Variants in GRTP1 observed in about 807,000 individuals in gnomAD.
GRTP1 encodes the protein growth hormone regulated TBC protein 1.
In GRTP1, 56 loss-of-function variants were observed where a neutral mutation model predicts 38.1. The ratio of observed to expected loss-of-function variants is 1.47; its 90% CI spans 1.19 to 1.84. GRTP1 has a LOEUF of 1.84. Ranked by LOEUF, GRTP1 falls within the 40% of genes most tolerant of loss-of-function variation. GRTP1 has a pLI of 0.00. For synonymous variants in GRTP1, 217 were observed against 189.5 expected, an observed-to-expected ratio of 1.14 and a Z score of -1.19; for missense variants, 506 against 453.9, an observed-to-expected ratio of 1.11 and a Z score of -1.04.
At chr13:113,345,991 AGTGG>A (rs1226932224) in intron 4 of GRTP1, among the ~76,000 whole-genome samples, 10 of 150,976 alleles carry the variant, frequency 6.6e-5, no homozygotes, top group African/African-American at 2.4e-4. Flanking sequence ...TGTGGCCGAG[AGTGG>A]ACCCGAGAGG....
At chr13:113,360,119 G>A (rs1354564650) in intron 2 of GRTP1, 2 of 152,146 alleles carry the variant, frequency 1.3e-5, no homozygotes, top group Non-Finnish European at 2.9e-5. Flanking sequence ...AAGCCACCAG[G>A]AAGGAGGTCT....
At chr13:113,334,869 AT>A (rs2042932414) in intron 5 of GRTP1, among the ~76,000 whole-genome samples, 2 of 152,040 alleles carry the variant, frequency 1.3e-5, no homozygotes, top group African/African-American at 2.4e-5. Context: ...CCCAGGCTGG[AT>A]GGAGTGCAGT....
At chr13:113,340,285 G>A (rs555834365) in intron 5 of GRTP1, among the ~76,000 whole-genome samples, 1 of 151,860 alleles carries the variant, frequency 6.6e-6, no homozygotes, top group African/African-American at 2.4e-5. Flanking sequence ...AGGCCAGCCT[G>A]GGCAACATAG....
In GRTP1 at chr13:113,346,158, GTGCCTGAC is replaced by G; in HGVS notation, c.466-1207_466-1200del. ...CAAGAGCAGACCCGGGAGGACCTCT[GTGCCTGAC>G]AGTGGACCCGGGAGGACCTCTGTGG... is the stretch of plus-strand genomic sequence containing the variant. On this transcript the variant is annotated intron_variant, in intron 4 of 7. Transcript: ENST00000375431. Among the ~76,000 whole-genome samples the G allele has an allele frequency of 3.4e-5, 5 of 146,228 alleles. 1 individual carries two copies. The highest frequency in any genetic ancestry group is 2.0e-4 in the East Asian group (1 of 4,880).
chr13:113,330,211 GC>G (rs1240009481), intron 5 of GRTP1, among the ~76,000 whole-genome samples: 1 of 137,524 alleles, frequency 7.3e-6, no homozygotes, highest in East Asian at 2.3e-4. Flanking sequence ...GTGCATGGGA[GC>G]CCAGGTGCGT....
At chr13:113,330,927 G>A (rs12873776) in intron 5 of GRTP1, among the ~76,000 whole-genome samples, 67 of 932 alleles carry the variant, frequency 0.072, 25 homozygotes, top group South Asian at 0.29. Flanking sequence ...GTGTGCATGG[G>A]AGCCCAGGTG....
intron 2 of GRTP1, among the ~76,000 whole-genome samples, chr13:113,358,566 A>G (rs1298000539): frequency 6.6e-6 from 1 of 152,276 alleles, no homozygotes; most frequent in African/African-American, 2.4e-5. Flanking sequence ...ATGCTTTACT[A>G]TAAACCTACA....
Position 113,343,058 on chromosome 13 carries a change from AC to A in GRTP1, c.562+1804del, listed in dbSNP as rs2043047812. On this transcript the variant is annotated intron_variant, in intron 5 of 7. Coordinates refer to ENST00000375431, the MANE Select transcript of GRTP1 (RefSeq NM_024719.4). The surrounding 1 kb of genome is among the most constrained non-coding windows in gnomAD (Gnocchi z 4.8). ...GTGTGTGCTCACCGATGTTTCCCAC[AC>A]CCCTGAACGGCGCCCAGAACACGAT... 6.6e-6 allele frequency among the ~76,000 whole-genome samples: 1 copy of A among 151,742 alleles called. No individual in the cohort carries two copies. The highest frequency in any genetic ancestry group is 1.5e-5 in the Non-Finnish European group (1 of 67,960).
intron 5 of GRTP1, among the ~76,000 whole-genome samples, chr13:113,335,082 A>T (rs2042936303): frequency 8.8e-6 from 1 of 113,074 alleles, no homozygotes; most frequent in Non-Finnish European, 1.8e-5. Flanking sequence ...TCAGCCTCCC[A>T]GAGTGCTGGG....
At position 113,331,555 on chromosome 13, in the gene GRTP1, GGCGTGGCACA is replaced by G. The variant is rs1305497646; in HGVS notation, c.563-5474_563-5465del. 3.3e-5 allele frequency among the ~76,000 whole-genome samples: 5 copies of G among 152,072 alleles called. No individual in the cohort carries two copies. In the South Asian group the frequency reaches 1.0e-3, roughly 32 times the overall value. On this transcript the variant is annotated intron_variant, in intron 5 of 7. Coordinates refer to ENST00000375431, the MANE Select transcript of GRTP1 (RefSeq NM_024719.4). ...GCATCTCTTTTCCTGAGAAGACTTCGGCGTGGCACAGCCCTTACAGGGCGTGAGCCTTCTC... is the reference window on the plus strand; with the variant it reads ...GCATCTCTTTTCCTGAGAAGACTTCGGCCCTTACAGGGCGTGAGCCTTCTC...
chr13:113,327,071 A>G (rs2042785334), intron 5 of GRTP1, among the ~76,000 whole-genome samples: 2 of 152,242 alleles, frequency 1.3e-5, no homozygotes, highest in Admixed American at 1.3e-4. Flanking sequence ...AAACGTACTC[A>G]GATAAATACT....
At chr13:113,352,337 T>TTTTATATATATTTATATATATTTTA (rs2043295511) in intron 3 of GRTP1, among the ~76,000 whole-genome samples, 2 of 51,560 alleles carry the variant, frequency 3.9e-5, no homozygotes, top group African/African-American at 7.3e-5. Flanking sequence ...TATATATATT[T>TTTTATATATATTTATATATATTTTA]TATATATATA....
intron 5 of GRTP1, among the ~76,000 whole-genome samples, chr13:113,341,164 C>T (rs2043021154): frequency 6.6e-6 from 1 of 151,818 alleles, no homozygotes; most frequent in African/African-American, 2.4e-5. Flanking sequence ...ATCACGACTG[C>T]ACCATACGCT....
chr13:113,353,150 A>G (rs997239670), intron 3 of GRTP1, among the ~76,000 whole-genome samples: 1 of 145,216 alleles, frequency 6.9e-6, no homozygotes, highest in Non-Finnish European at 1.5e-5. Context: ...GAAAGCAGGG[A>G]CCCAGCCCCA....
intron 5 of GRTP1, among the ~76,000 whole-genome samples, chr13:113,331,742 G>A (rs557367689): frequency 1.5e-5 from 2 of 133,966 alleles, no homozygotes; most frequent in East Asian, 2.5e-4. Context: ...TGCAACCTCC[G>A]CCTCCCAGGT....
chr13:113,325,538 T>G (rs1270827068), intron 7 of GRTP1, 123 bp downstream of exon 7: 1 of 1,559,912 alleles, frequency 6.4e-7, no homozygotes, highest in African/African-American at 1.4e-5. Flanking sequence ...TGGAGGCTCA[T>G]CCTGTGCCCT....
At chr13:113,329,096 G>A (rs1402267502) in intron 5 of GRTP1, among the ~76,000 whole-genome samples, 1 of 152,254 alleles carries the variant, frequency 6.6e-6, no homozygotes, top group East Asian at 1.9e-4. Context: ...CGTGACACGT[G>A]TTGATAAGCG....
intron 4 of GRTP1, among the ~76,000 whole-genome samples, chr13:113,345,863 GAGA>G (rs1298564342): frequency 4.6e-5 from 7 of 152,242 alleles, no homozygotes; most frequent in Admixed American, 3.3e-4. Context: ...AACCAGTGCA[GAGA>G]AGATCATGTT....
At chr13:113,326,527 C>T (rs1019181291) in intron 5 of GRTP1, among the ~76,000 whole-genome samples, 1 of 152,040 alleles carries the variant, frequency 6.6e-6, no homozygotes, top group African/African-American at 2.4e-5. Flanking sequence ...AAAAATTAGC[C>T]AGGTGTGGTG....
Sources: gnomAD v4.1 joint callset for allele counts (sites outside exome capture counted in the v4.1 genomes callset) on GRCh38, gnomAD v4.1.1 for gene constraint, Gnocchi (gnomAD v3.1) non-coding constraint, MANE v1.5 for transcripts, NCBI Gene and HGNC (gene_info 2026-07-23, HGNC 2026-07-21) for gene names.